ST6GALNAC3: variants seen among roughly 807,000 people sequenced by gnomAD.
ST6GALNAC3 encodes alpha-N-acetylgalactosaminide alpha-2,6-sialyltransferase 3.
ST6GALNAC3 carries 25 observed loss-of-function variants against 32.7 expected under a neutral mutation model. The ratio of observed to expected loss-of-function variants is 0.76; its 90% confidence interval spans 0.56 to 1.07. ST6GALNAC3 has a LOEUF of 1.07. ST6GALNAC3 is among the 50% of genes least tolerant of loss of function. The pLI is 0.00. For synonymous variants in ST6GALNAC3, 129 were observed against 133.1 expected, an observed-to-expected ratio of 0.97 and a Z score of 0.21; for missense variants, 355 against 382.4, an observed-to-expected ratio of 0.93 and a Z score of 0.60.
chr1:76,314,082 A>C, intron 2 of ST6GALNAC3, 83 bp downstream of exon 2: 3 of 1,338,370 alleles, frequency 2.2e-6, no homozygotes, highest in Non-Finnish European at 2.0e-6. Context: ...CTTCCAACTC[A>C]CTGAACTTAC....
intron 3 of ST6GALNAC3, among the ~76,000 whole-genome samples, chr1:76,505,219 G>GTTCAAGCAATTTTCTGCCTCCCGGT (rs1661406090): frequency 6.6e-6 from 1 of 151,920 alleles, no homozygotes; most frequent in Non-Finnish European, 1.5e-5. Flanking sequence ...TGCCTCCCGG[G>GTTCAAGCAATTTTCTGCCTCCCGGT]TTCAAGCAAT....
chr1:76,256,978 G>GAC (rs1173911048), intron 1 of ST6GALNAC3, among the ~76,000 whole-genome samples: 2 of 152,132 alleles, frequency 1.3e-5, no homozygotes, highest in Non-Finnish European at 2.9e-5. Flanking sequence ...TGGTTTTGAT[G>GAC]AATCTCCAAA....
chr1:76,595,113 T>A (rs982936319), intron 3 of ST6GALNAC3, among the ~76,000 whole-genome samples: 5 of 152,102 alleles, frequency 3.3e-5, no homozygotes, highest in African/African-American at 1.2e-4. Context: ...GTATACAGTG[T>A]AAGAGCAGCT....
chr1:76,268,790 C>T (rs764565123), intron 1 of ST6GALNAC3, among the ~76,000 whole-genome samples: 6 of 152,134 alleles, frequency 3.9e-5, no homozygotes, highest in African/African-American at 9.7e-5. Context: ...TCCTCTACAC[C>T]GCTGATGGAG....
chr1:76,607,766 A>G (rs1212475793), intron 3 of ST6GALNAC3, among the ~76,000 whole-genome samples: 1 of 152,118 alleles, frequency 6.6e-6, no homozygotes, highest in Admixed American at 6.6e-5. Flanking sequence ...TTCAGGCCAC[A>G]CACACTTCCA....
chr1:76,372,603 A>T (rs1238822207), intron 2 of ST6GALNAC3, among the ~76,000 whole-genome samples: 1 of 152,188 alleles, frequency 6.6e-6, no homozygotes, highest in Non-Finnish European at 1.5e-5. Flanking sequence ...TGGTCATAAC[A>T]TCATCTATTT....
At chr1:76,123,789 T>G (rs1481598042) in intron 1 of ST6GALNAC3, among the ~76,000 whole-genome samples, 28 of 120,442 alleles carry the variant, frequency 2.3e-4, no homozygotes, top group South Asian at 5.7e-4. Context: ...AGGGTCTCAC[T>G]CTGTCACCCA....
At chr1:76,619,982 TATTCCC>T (rs2100698480) in intron 3 of ST6GALNAC3, among the ~76,000 whole-genome samples, 1 of 152,266 alleles carries the variant, frequency 6.6e-6, no homozygotes, top group South Asian at 2.1e-4. Context: ...CTTTCCCCAG[TATTCCC>T]ATAGCACATG....
chr1:76,343,708 G>A (rs1160189438), intron 2 of ST6GALNAC3, among the ~76,000 whole-genome samples: 1 of 152,162 alleles, frequency 6.6e-6, no homozygotes, highest in Non-Finnish European at 1.5e-5. Context: ...GAGTACAAAG[G>A]TAAAGTGAAG....
At chr1:76,458,881 T>A (rs1304417119) in intron 3 of ST6GALNAC3, among the ~76,000 whole-genome samples, 3 of 149,514 alleles carry the variant, frequency 2.0e-5, no homozygotes, top group Non-Finnish European at 3.0e-5. Flanking sequence ...ACTTAAAGTA[T>A]AACAATAATA....
In ST6GALNAC3 at chr1:76,110,635, T is replaced by G. The variant is rs1426030229; in HGVS notation, c.18+35751T>G. Among the ~76,000 whole-genome samples, 3 of 152,130 alleles carry G rather than the reference T, an allele frequency of 2.0e-5. No homozygotes were observed. In the East Asian group the frequency reaches 5.8e-4, roughly 29 times the overall value. On this transcript the variant is annotated intron_variant, in intron 1 of 4. Transcript: ENST00000328299. ...CTGACAGTCCAAGGATAAAGTTGAG[T>G]GCTAAAGGAGCAGGCTGTGTAGACA...
chr1:76,161,345 G>A (rs1651793119), intron 1 of ST6GALNAC3, among the ~76,000 whole-genome samples: 1 of 152,190 alleles, frequency 6.6e-6, no homozygotes, highest in Admixed American at 6.5e-5. Context: ...AAGATTCTTT[G>A]CAACCCCGAG....
intron 2 of ST6GALNAC3, among the ~76,000 whole-genome samples, chr1:76,376,113 T>A (rs1166730695): frequency 2.0e-5 from 2 of 99,404 alleles, no homozygotes; most frequent in African/African-American, 5.9e-5. Flanking sequence ...CTTTTTTTTT[T>A]TAAAAAAAGA....
intron 3 of ST6GALNAC3, among the ~76,000 whole-genome samples, chr1:76,540,365 G>A (rs1419457452): frequency 6.6e-6 from 1 of 152,084 alleles, no homozygotes; most frequent in African/African-American, 2.4e-5. Flanking sequence ...GGGGAGTGGG[G>A]GGTGAGGTGA....
chr1:76,429,857 A>C (rs1228166317), intron 3 of ST6GALNAC3, among the ~76,000 whole-genome samples: 1 of 152,212 alleles, frequency 6.6e-6, no homozygotes, highest in Non-Finnish European at 1.5e-5. Context: ...CCAAAAAGCC[A>C]TGATACTGGT....
Position 76,412,170 on chromosome 1 carries a change from C to T in ST6GALNAC3, c.376C>T (p.Arg126Ter), listed in dbSNP as rs773250451. 5.0e-6 allele frequency: 8 copies of T among 1,613,632 alleles called. No individual in the cohort carries two copies. The highest frequency in any genetic ancestry group is 1.3e-5 in the African/African-American group (1 of 74,970). The change falls in exon 3 of 5, where the codon CGA becomes TGA. Residue 126 changes from arginine (R) to a stop codon, truncating the protein, a stop_gained. Coordinates refer to ENST00000328299, the MANE Select transcript of ST6GALNAC3 (RefSeq NM_152996.4). LOFTEE classifies it high-confidence loss of function. ...AGATGTCGGCCGCATGACCATGATT[C>T]GAGTTGTGTCCCATACCAGCGTTCC... is the stretch of plus-strand genomic sequence containing the variant. ...EEDVGRMTMI[R>*]VVSHTSVPLL...
intron 3 of ST6GALNAC3, among the ~76,000 whole-genome samples, chr1:76,451,306 G>A (rs909991813): frequency 2.0e-5 from 3 of 152,162 alleles, no homozygotes; most frequent in Admixed American, 6.5e-5. Context: ...GTAGGTGAAG[G>A]AAGAGCAAAG....
intron 3 of ST6GALNAC3, among the ~76,000 whole-genome samples, chr1:76,600,997 C>T (rs1474748009): frequency 1.3e-5 from 2 of 152,038 alleles, no homozygotes; most frequent in Non-Finnish European, 2.9e-5. Flanking sequence ...GCCTGGGCAA[C>T]ATGGTGAGGT....
rs373086142 is a variant in ST6GALNAC3, at chr1:76,455,153, TAAC to T, written c.623+42740_623+42742del. On this transcript the variant is annotated intron_variant, in intron 3 of 4. Transcript: ENST00000328299. Reference sequence around the variant, plus strand: ...GCATTTTCAGATTGTTTCTTTTTCATAACAACCTGTTCTTATTTTATGGCTACA... The same window carrying T: ...GCATTTTCAGATTGTTTCTTTTTCATAACCTGTTCTTATTTTATGGCTACA... Among the ~76,000 whole-genome samples, 712 of 152,312 alleles carry T rather than the reference TAAC, an allele frequency of 4.7e-3. 7 individuals are homozygous for T. Among genetic ancestry groups the T allele is most frequent in the African/African-American group, 0.016 (650 of 41,584 alleles).
Sources: gnomAD v4.1 joint callset for allele counts (sites outside exome capture counted in the v4.1 genomes callset) on GRCh38, gnomAD v4.1.1 for gene constraint, MANE v1.5 for transcripts, NCBI Gene and HGNC (gene_info 2026-07-23, HGNC 2026-07-21) for gene names.